EFNA5: variants seen among roughly 807,000 people sequenced by gnomAD.
The protein encoded by EFNA5 is ephrin-A5.
A neutral mutation model predicts 22.9 loss-of-function variants in EFNA5; 5 were observed. That is an observed-to-expected ratio of 0.22 (90% CI 0.11 to 0.46). The LOEUF (loss-of-function observed/expected upper bound fraction) is 0.46. EFNA5 is among the 20% of genes least tolerant of loss of function. EFNA5 has a pLI of 0.99. For synonymous variants in EFNA5, 113 were observed against 112.2 expected, an observed-to-expected ratio of 1.01 and a Z score of -0.04; for missense variants, 237 against 293.3, an observed-to-expected ratio of 0.81 and a Z score of 1.40.
At chr5:107,592,035 T>A (rs1267052380) in intron 1 of EFNA5, among the ~76,000 whole-genome samples, 1 of 92,198 alleles carries the variant, frequency 1.1e-5, no homozygotes, top group African/African-American at 4.9e-5. Context: ...ATATTATATA[T>A]TATATATATT....
In EFNA5 at chr5:107,393,305, A is replaced by G. The variant is rs995514242; in HGVS notation, c.419-5534T>C. On this transcript the variant is annotated intron_variant, in intron 2 of 4. Transcript: ENST00000333274. ...AGATTATGAGACTTCAAACAACTCA[A>G]AAGTTCCCTAATCATCAAGGTAACA... is the stretch of plus-strand genomic sequence containing the variant. Among the ~76,000 whole-genome samples the G allele has an allele frequency of 3.3e-5, 5 of 152,210 alleles. No individual in the cohort carries two copies. The East Asian group carries it at 7.7e-4, about 23-fold the overall frequency.
chr5:107,459,907 T>A (rs554910858), intron 1 of EFNA5, among the ~76,000 whole-genome samples: 2 of 152,264 alleles, frequency 1.3e-5, no homozygotes, highest in South Asian at 4.1e-4. Context: ...CAGGGTCAGC[T>A]AGACAGCAGC....
chr5:107,486,907 T>A lies in EFNA5; in HGVS notation c.126-59398A>T, dbSNP rs555470709. 1.8e-3 allele frequency among the ~76,000 whole-genome samples: 268 copies of A among 152,310 alleles called. 6 individuals carry two copies. The East Asian group carries it at 0.043, about 24-fold the overall frequency. ...TTTTAGGGTCTCCTCAGTGTATTTATACTTTAGTTTCCTTCCCCCTTTGGC... is the reference window on the plus strand; with the variant it reads ...TTTTAGGGTCTCCTCAGTGTATTTAAACTTTAGTTTCCTTCCCCCTTTGGC... On this transcript the variant is annotated intron_variant, in intron 1 of 4. Coordinates refer to ENST00000333274, the MANE Select transcript of EFNA5 (RefSeq NM_001962.3).
intron 1 of EFNA5, among the ~76,000 whole-genome samples, chr5:107,480,038 A>G (rs891827530): frequency 6.6e-6 from 1 of 152,226 alleles, no homozygotes; most frequent in African/African-American, 2.4e-5. Context: ...TAATTCTACA[A>G]TGTGATGTCT....
intron 1 of EFNA5, among the ~76,000 whole-genome samples, chr5:107,588,816 A>G (rs1384832456): frequency 1.3e-5 from 2 of 152,236 alleles, no homozygotes; most frequent in Non-Finnish European, 2.9e-5. Context: ...CCTGAGCATT[A>G]ACCACAAGGA....
Position 107,569,369 on chromosome 5 carries a change from A to G in EFNA5, c.125+101120T>C, listed in dbSNP as rs549992551. Among the ~76,000 whole-genome samples the G allele has an allele frequency of 4.9e-3, 620 of 126,740 alleles. 10 individuals carry two copies. Among genetic ancestry groups the G allele is most frequent in the African/African-American group, 0.024 (553 of 22,876 alleles). 83.1% of individuals were successfully genotyped at this position (126,740 alleles called of 152,430 possible). On this transcript the variant is annotated intron_variant, in intron 1 of 4. Coordinates refer to ENST00000333274, the MANE Select transcript of EFNA5 (RefSeq NM_001962.3). Reference sequence around the variant, plus strand: ...CTACCCTTAAAATATATATACGTGTATATATATATATATTTTTATGTATAT... The same window carrying G: ...CTACCCTTAAAATATATATACGTGTGTATATATATATATTTTTATGTATAT...
At chr5:107,534,339 T>G (rs764441517) in intron 1 of EFNA5, among the ~76,000 whole-genome samples, 8 of 152,180 alleles carry the variant, frequency 5.3e-5, no homozygotes, top group Non-Finnish European at 1.0e-4. Flanking sequence ...GGGGGACTGC[T>G]TCCATGTAAA....
At chr5:107,418,590 T>C (rs1237993072) in intron 2 of EFNA5, among the ~76,000 whole-genome samples, 1 of 152,206 alleles carries the variant, frequency 6.6e-6, no homozygotes, top group African/African-American at 2.4e-5. Context: ...TGTCTCATAA[T>C]AGCATTCTGA....
At chr5:107,620,228 A>G (rs1456855764) in intron 1 of EFNA5, among the ~76,000 whole-genome samples, 1 of 152,254 alleles carries the variant, frequency 6.6e-6, no homozygotes, top group African/African-American at 2.4e-5. Flanking sequence ...TCTAAAAAAC[A>G]AAAACAAGAT....
chr5:107,425,780 T>C (rs1025366019), intron 2 of EFNA5, among the ~76,000 whole-genome samples: 1 of 152,234 alleles, frequency 6.6e-6, no homozygotes, highest in South Asian at 2.1e-4. Context: ...TGACTTATTA[T>C]AAAATTCTGT....
chr5:107,501,483 C>A (rs1055264069), intron 1 of EFNA5, among the ~76,000 whole-genome samples: 1 of 99,120 alleles, frequency 1.0e-5, no homozygotes, highest in African/African-American at 5.6e-5. Flanking sequence ...TCAGCCCCTC[C>A]TTAATCAGTT....
intron 2 of EFNA5, among the ~76,000 whole-genome samples, chr5:107,401,942 C>T (rs1748097307): frequency 6.6e-6 from 1 of 152,218 alleles, no homozygotes; most frequent in South Asian, 2.1e-4. Context: ...CCAGCTCTCT[C>T]TATTAAAGAC....
At chr5:107,559,422 G>A (rs1034987252) in intron 1 of EFNA5, among the ~76,000 whole-genome samples, 1 of 152,134 alleles carries the variant, frequency 6.6e-6, no homozygotes, top group Non-Finnish European at 1.5e-5. Flanking sequence ...GGCCCATAAT[G>A]AGCACTGAAT....
intron 1 of EFNA5, among the ~76,000 whole-genome samples, chr5:107,490,885 G>T (rs1451364290): frequency 6.6e-6 from 1 of 152,182 alleles, no homozygotes; most frequent in Non-Finnish European, 1.5e-5. Flanking sequence ...ATTAATTAAG[G>T]TATCTTGCAG....
intron 1 of EFNA5, among the ~76,000 whole-genome samples, chr5:107,532,141 T>C (rs563475344): frequency 1.4e-3 from 218 of 152,312 alleles, no homozygotes; most frequent in African/African-American, 4.9e-3. Flanking sequence ...CCACTGAAGA[T>C]GGATGACTGG....
At chr5:107,532,536 C>T (rs917135604) in intron 1 of EFNA5, among the ~76,000 whole-genome samples, 4 of 152,166 alleles carry the variant, frequency 2.6e-5, no homozygotes, top group African/African-American at 9.7e-5. Flanking sequence ...AGACTTTATC[C>T]GGCCTCCACG....
At chr5:107,450,611 C>T (rs890629145) in intron 1 of EFNA5, among the ~76,000 whole-genome samples, 3 of 152,150 alleles carry the variant, frequency 2.0e-5, no homozygotes, top group Non-Finnish European at 4.4e-5. Flanking sequence ...AAACACTGAG[C>T]AATTAGAGGG....
chr5:107,659,496 CT>C (rs550340874), intron 1 of EFNA5, among the ~76,000 whole-genome samples: 16,937 of 129,230 alleles, frequency 0.13, 1,090 homozygotes, highest in Non-Finnish European at 0.18. Flanking sequence ...TTGGGTTTTC[CT>C]TTTTTTTTTT....
chr5:107,399,061 A>C (rs1748009719), intron 2 of EFNA5, among the ~76,000 whole-genome samples: 1 of 152,118 alleles, frequency 6.6e-6, no homozygotes, highest in Admixed American at 6.5e-5. Flanking sequence ...TGATCTTGGG[A>C]ACTGATGTAA....
Sources: allele counts gnomAD v4.1 joint callset (sites outside exome capture counted in the v4.1 genomes callset), GRCh38; gene constraint gnomAD v4.1.1; transcripts MANE v1.5; gene names NCBI Gene and HGNC (gene_info 2026-07-23, HGNC 2026-07-21).